GABRG3: variants seen among roughly 807,000 people sequenced by gnomAD.
GABRG3 encodes gamma-aminobutyric acid type A receptor subunit gamma3.
GABRG3 carries 25 observed loss-of-function variants against 48.8 expected under a neutral mutation model. The ratio of observed to expected loss-of-function variants is 0.51; its 90% CI spans 0.37 to 0.72. The LOEUF is 0.72. Ranked by LOEUF, GABRG3 falls within the 30% of genes least tolerant of loss-of-function variation. The pLI, the probability that GABRG3 is intolerant of heterozygous loss-of-function variation, is 0.00. For missense variants in GABRG3, 394 were observed against 577.9 expected, an observed-to-expected ratio of 0.68 and a Z score of 3.26; for synonymous variants, 227 against 217.6, an observed-to-expected ratio of 1.04 and a Z score of -0.38.
At chr15:27,415,982 C>G (rs548401878) in intron 5 of GABRG3, among the ~76,000 whole-genome samples, 6 of 152,188 alleles carry the variant, frequency 3.9e-5, no homozygotes, top group African/African-American at 1.2e-4. Context: ...CCATACCCCC[C>G]CTCTTTCTAG....
At chr15:27,237,206 T>C (rs1002463902) in intron 3 of GABRG3, among the ~76,000 whole-genome samples, 3 of 152,232 alleles carry the variant, frequency 2.0e-5, no homozygotes, top group African/African-American at 7.2e-5. Context: ...AGATACAGAA[T>C]GGGTTATTTA....
intron 2 of GABRG3, among the ~76,000 whole-genome samples, chr15:26,987,533 G>A (rs1441084838): frequency 6.6e-6 from 1 of 152,068 alleles, no homozygotes; most frequent in Non-Finnish European, 1.5e-5. Flanking sequence ...TAGTTTCCTA[G>A]GATATCATGG....
At chr15:27,245,054 G>T (rs1319044576) in intron 3 of GABRG3, among the ~76,000 whole-genome samples, 1 of 152,028 alleles carries the variant, frequency 6.6e-6, no homozygotes, top group Non-Finnish European at 1.5e-5. Context: ...AGGTGATAGT[G>T]CTGGACCCTC....
intron 3 of GABRG3, among the ~76,000 whole-genome samples, chr15:27,325,764 G>A (rs1371906237): frequency 6.6e-6 from 1 of 152,112 alleles, no homozygotes; most frequent in Non-Finnish European, 1.5e-5. Flanking sequence ...ATTAGTTAAT[G>A]AAAGACCAGT....
chr15:27,148,821 C>A (rs1158436540), intron 3 of GABRG3, among the ~76,000 whole-genome samples: 1 of 151,958 alleles, frequency 6.6e-6, no homozygotes, highest in Non-Finnish European at 1.5e-5. Flanking sequence ...AAACATCCAA[C>A]ATACTAAGAA....
chr15:27,501,661 T>G (rs751051736), intron 6 of GABRG3, among the ~76,000 whole-genome samples: 21 of 152,124 alleles, frequency 1.4e-4, no homozygotes, highest in Non-Finnish European at 2.2e-4. Flanking sequence ...CTGAGCGGAT[T>G]TATACAAAGG....
chr15:27,308,332 A>G (rs1188954647), intron 3 of GABRG3, among the ~76,000 whole-genome samples: 2 of 137,344 alleles, frequency 1.5e-5, no homozygotes, highest in East Asian at 2.1e-4. Flanking sequence ...ACGTTTATAT[A>G]TAAACATAAT....
intron 3 of GABRG3, among the ~76,000 whole-genome samples, chr15:27,164,406 C>T (rs1887305372): frequency 6.6e-6 from 1 of 152,176 alleles, no homozygotes; most frequent in African/African-American, 2.4e-5. Flanking sequence ...ACTACTACCC[C>T]TAATGTTACT....
intron 3 of GABRG3, among the ~76,000 whole-genome samples, chr15:27,212,518 C>T (rs986118813): frequency 6.6e-5 from 10 of 152,116 alleles, no homozygotes; most frequent in African/African-American, 2.2e-4. Context: ...ATGTCATTTT[C>T]TTCTGTCAGA....
At chr15:27,063,503 T>C (rs1013983012) in intron 3 of GABRG3, among the ~76,000 whole-genome samples, 2 of 152,176 alleles carry the variant, frequency 1.3e-5, no homozygotes, top group Non-Finnish European at 2.9e-5. Context: ...TTTAAGATTG[T>C]GTGGGCCCCT....
rs776852710 is a variant in GABRG3, at chr15:27,535,520, T to A, written c.*2639T>A. On this transcript the variant is annotated 3_prime_UTR_variant, in exon 10 of 10. Transcript: ENST00000615808. ...ACAGATGAGTTCAGCGCTCCTTTTC[T>A]AGGAAGGAGAACCTTCATCTCAAGA... The A allele has an allele frequency of 1.3e-5, 2 of 152,194 alleles. No individual in the cohort carries two copies. The highest frequency in any genetic ancestry group is 2.9e-5 in the Non-Finnish European group (2 of 68,038). The allele number at this position is 152,194 out of a possible 1,614,324, so 9.4% of individuals were successfully genotyped here.
chr15:27,311,698 G>T (rs1011635541), intron 3 of GABRG3, among the ~76,000 whole-genome samples: 2 of 152,054 alleles, frequency 1.3e-5, no homozygotes, highest in African/African-American at 2.4e-5. Flanking sequence ...GAGGTGGCCT[G>T]AGGAACTGGC....
At chr15:27,036,501 C>A (rs557965860) in intron 3 of GABRG3, among the ~76,000 whole-genome samples, 1 of 152,108 alleles carries the variant, frequency 6.6e-6, no homozygotes, top group East Asian at 1.9e-4. Context: ...ACCAGCCTGA[C>A]CAACATGGTG....
chr15:27,028,987 C>A (rs1372978369), intron 3 of GABRG3, among the ~76,000 whole-genome samples: 3 of 152,182 alleles, frequency 2.0e-5, no homozygotes, highest in African/African-American at 7.2e-5. Flanking sequence ...AAGCCCTGGG[C>A]CCTGGAGAAG....
At chr15:27,022,674 G>A (rs973838938) in intron 2 of GABRG3, among the ~76,000 whole-genome samples, 38 of 152,210 alleles carry the variant, frequency 2.5e-4, no homozygotes, top group African/African-American at 7.5e-4. Context: ...TTTTTGGTAC[G>A]TGGCTCTAGG....
chr15:27,306,594 TAAAC>T, intron 3 of GABRG3, among the ~76,000 whole-genome samples: 1 of 131,412 alleles, frequency 7.6e-6, no homozygotes, highest in African/African-American at 2.8e-5. Flanking sequence ...ACATATAATA[TAAAC>T]ATATGTTTAT....
chr15:27,315,021 AT>A (rs1263714917), intron 3 of GABRG3, among the ~76,000 whole-genome samples: 1 of 152,228 alleles, frequency 6.6e-6, no homozygotes, highest in Non-Finnish European at 1.5e-5. Flanking sequence ...TAAAAAGTGT[AT>A]CATACGCTTA....
intron 3 of GABRG3, among the ~76,000 whole-genome samples, chr15:27,273,969 G>A (rs550377587): frequency 6.6e-6 from 1 of 152,180 alleles, no homozygotes; most frequent in East Asian, 1.9e-4. Context: ...CCTTTCTAAA[G>A]GTTCAGCTGA....
intron 2 of GABRG3, among the ~76,000 whole-genome samples, chr15:27,011,634 T>C (rs998545275): frequency 1.3e-5 from 2 of 151,986 alleles, no homozygotes; most frequent in African/African-American, 4.8e-5. Context: ...GATCACAAGG[T>C]CAGGAGATCG....
Sources: gnomAD v4.1 joint callset for allele counts (sites outside exome capture counted in the v4.1 genomes callset) on GRCh38, gnomAD v4.1.1 for gene constraint, MANE v1.5 for transcripts, NCBI Gene and HGNC (gene_info 2026-07-23, HGNC 2026-07-21) for gene names.